Variants in AZIN2 observed in about 807,000 individuals in gnomAD.
The protein encoded by AZIN2 is ODC antizyme inhibitor-2.
A neutral mutation model predicts 47.8 loss-of-function variants in AZIN2; 28 were observed. The observed-to-expected ratio is 0.59, with a 90% CI of 0.43 to 0.80. The LOEUF (loss-of-function observed/expected upper bound fraction) is 0.80, where lower values mean the gene tolerates loss of function less well. AZIN2 is among the 30% of genes least tolerant of loss of function. The probability of loss-of-function intolerance (pLI) is 0.00; values close to 1 mark genes in which losing one functional copy is unlikely to be tolerated. For synonymous variants in AZIN2, 221 were observed against 239.4 expected (o/e 0.92, Z 0.71); for missense variants, 535 against 582.5 (o/e 0.92, Z 0.84).
At chr1:33,154,294 A>G in the AZIN2 span, among the ~76,000 whole-genome samples, 1 of 152,180 alleles carries the variant, frequency 6.6e-6, no homozygotes, top group African/African-American at 2.4e-5. Context: ...CTGACCCAGG[A>G]CAGCCCTGGA....
chr1:33,141,471 G>A, the AZIN2 span, among the ~76,000 whole-genome samples: 1 of 152,192 alleles, frequency 6.6e-6, no homozygotes, highest in Non-Finnish European at 1.5e-5. Context: ...GGTTAGACTG[G>A]AGGATCACTC....
At chr1:33,147,795 T>TC in the AZIN2 span, 1 of 1,537,438 alleles carries the variant, frequency 6.5e-7, no homozygotes, top group Non-Finnish European at 8.8e-7. The surrounding 1 kb of genome is among the most constrained non-coding windows in gnomAD (Gnocchi z 8.1). Context: ...TGCAGTGCCT[T>TC]CCTGAGGGCA....
rs143638131 is a variant in AZIN2, at chr1:33,096,730, C to T, written c.777C>T (p.Ala259=). 6.2e-7 allele frequency: 1 copy of T among 1,614,280 alleles called. No individual in the cohort carries two copies. Among genetic ancestry groups the T allele is most frequent in the East Asian group, 2.2e-5 (1 of 44,894 alleles). ...AGATTGCTTCCGTGATCAACTCAGCCTTGGACCTGTACTTCCCAGAGGGCT... is the reference window on the plus strand; with the variant it reads ...AGATTGCTTCCGTGATCAACTCAGCTTTGGACCTGTACTTCCCAGAGGGCT... ...FEEIASVINS[A]LDLYFPEGCG... Residue 259 remains alanine (A), a synonymous_variant, in exon 9 of 12, where the codon GCC becomes GCT. Transcript: ENST00000294517.
At chr1:33,164,242 G>T in the AZIN2 span, 1 of 152,312 alleles carries the variant, frequency 6.6e-6, no homozygotes, top group Non-Finnish European at 1.5e-5. Flanking sequence ...CCCCACAGTG[G>T]GTTGGTGGCC....
At chr1:33,156,039 T>C in the AZIN2 span, among the ~76,000 whole-genome samples, 2 of 152,180 alleles carry the variant, frequency 1.3e-5, no homozygotes, top group Non-Finnish European at 2.9e-5. Flanking sequence ...TGCCCACTTA[T>C]TCTACTTTCT....
intron 10 of AZIN2, among the ~76,000 whole-genome samples, chr1:33,104,543 C>CAT (rs33993023): frequency 0.26 from 38,358 of 149,592 alleles, 4,897 homozygotes; most frequent in South Asian, 0.32. Flanking sequence ...ATCTTTATTA[C>CAT]ATATATATAT....
the AZIN2 span, among the ~76,000 whole-genome samples, chr1:33,139,037 T>C: frequency 6.6e-6 from 1 of 152,382 alleles, no homozygotes; most frequent in Admixed American, 6.5e-5. Context: ...TAATAGCTGC[T>C]GACTTCTGGG....
intron 10 of AZIN2, among the ~76,000 whole-genome samples, chr1:33,110,121 C>T (rs1644223270): frequency 2.0e-5 from 3 of 152,282 alleles, no homozygotes; most frequent in African/African-American, 7.2e-5. Flanking sequence ...AGCAAGAAAA[C>T]TTCACTGTTT....
At chr1:33,138,707 A>C in the AZIN2 span, among the ~76,000 whole-genome samples, 1 of 151,194 alleles carries the variant, frequency 6.6e-6, no homozygotes, top group African/African-American at 2.4e-5. Context: ...ATCTCTGGAC[A>C]GTGGCTGATG....
intron 11 of AZIN2, chr1:33,119,649 T>C (rs1417028446): frequency 4.8e-6 from 1 of 209,468 alleles, no homozygotes; most frequent in Non-Finnish European, 9.8e-6. Context: ...AGAGTTGGGT[T>C]CAGTCCTAGT....
chr1:33,108,673 A>C (rs1487831818), intron 10 of AZIN2, among the ~76,000 whole-genome samples: 1 of 152,100 alleles, frequency 6.6e-6, no homozygotes, highest in Non-Finnish European at 1.5e-5. Flanking sequence ...ATATGCACTT[A>C]AGTTTCCTTC....
In AZIN2 at chr1:33,113,282, TTTA is replaced by T. The variant is rs912933541; in HGVS notation, c.1030-4617_1030-4615del. Among the ~76,000 whole-genome samples the T allele has an allele frequency of 9.2e-5, 14 of 152,342 alleles. No individual in the cohort carries two copies. The highest frequency in any genetic ancestry group is 3.4e-4 in the African/African-American group (14 of 41,576). On this transcript the variant is annotated intron_variant, in intron 10 of 11. Coordinates refer to ENST00000294517, the MANE Select transcript of AZIN2 (RefSeq NM_052998.4). This position sits in a 1 kb window ranked among gnomAD's most constrained non-coding sequence, Gnocchi z 4.1. ...CGCGCCCAGCTGGTTTTATTATTTT[TTTA>T]TTGTTTTATTTGAATAAGTATTACT...
At chr1:33,107,316 A>G (rs1464943542) in intron 10 of AZIN2, among the ~76,000 whole-genome samples, 4 of 152,008 alleles carry the variant, frequency 2.6e-5, no homozygotes, top group African/African-American at 9.7e-5. Flanking sequence ...GCAGTGGCTC[A>G]TGCCTGTAAC....
the AZIN2 span, among the ~76,000 whole-genome samples, chr1:33,138,820 GA>G: frequency 2.0e-5 from 3 of 152,084 alleles, no homozygotes; most frequent in Admixed American, 6.6e-5. Context: ...TTTTAAATGA[GA>G]AAATCTTTTG....
the AZIN2 span, among the ~76,000 whole-genome samples, chr1:33,134,526 G>T: frequency 6.6e-6 from 1 of 152,180 alleles, no homozygotes; most frequent in Non-Finnish European, 1.5e-5. Flanking sequence ...GGAAAGGAGG[G>T]GGTCAGAAGA....
At chr1:33,147,132 C>A in the AZIN2 span, 1 of 1,587,884 alleles carries the variant, frequency 6.3e-7, no homozygotes. The surrounding 1 kb of genome is among the most constrained non-coding windows in gnomAD (Gnocchi z 8.1). Context: ...AGGGCTCTTG[C>A]AGGTGGCAGT....
chr1:33,100,563 A>ATGTGTG (rs1643602209), intron 10 of AZIN2, among the ~76,000 whole-genome samples: 9 of 147,476 alleles, frequency 6.1e-5, no homozygotes, highest in African/African-American at 2.4e-4. Context: ...GGATAGAAAC[A>ATGTGTG]CGTGTGTGTG....
chr1:33,150,161 A>G, the AZIN2 span, among the ~76,000 whole-genome samples: 20 of 152,258 alleles, frequency 1.3e-4, no homozygotes, highest in Admixed American at 1.3e-4. Flanking sequence ...ATTTCCAGGC[A>G]ACAGCAAGAC....
chr1:33,118,606 A>C (rs924139919), intron 11 of AZIN2: 8 of 156,928 alleles, frequency 5.1e-5, no homozygotes, highest in Admixed American at 4.9e-4. Context: ...AAGCAGGGGC[A>C]TAACACAGTC....
Sources: allele counts gnomAD v4.1 joint callset (sites outside exome capture counted in the v4.1 genomes callset), GRCh38; gene constraint gnomAD v4.1.1; non-coding constraint Gnocchi (gnomAD v3.1); transcripts MANE v1.5; gene names NCBI Gene and HGNC (gene_info 2026-07-23, HGNC 2026-07-21).